SNRPC: variants seen among roughly 807,000 people sequenced by gnomAD.
The protein encoded by SNRPC is small nuclear ribonucleoprotein polypeptide C, also known as U1 small nuclear ribonucleoprotein C.
A neutral mutation model predicts 20.0 loss-of-function variants in SNRPC; 5 were observed. That is an observed-to-expected ratio of 0.25 (90% CI 0.13 to 0.53). The LOEUF (loss-of-function observed/expected upper bound fraction) is 0.53, where lower values mean the gene tolerates loss of function less well. SNRPC is among the 20% of genes least tolerant of loss of function. SNRPC has a pLI of 0.96. For missense variants in SNRPC, 112 were observed against 224.1 expected (o/e 0.50, Z 3.19); for synonymous variants, 61 against 58.7 (o/e 1.04, Z -0.18).
At chr6:34,759,042 A>G (rs915024934) in intron 2 of SNRPC, among the ~76,000 whole-genome samples, 12 of 133,036 alleles carry the variant, frequency 9.0e-5, no homozygotes, top group Admixed American at 2.3e-4. Context: ...AAAAAAAAAA[A>G]AAAGAAAAGA....
intron 3 of SNRPC, among the ~76,000 whole-genome samples, chr6:34,765,509 T>C (rs1486989717): frequency 6.6e-6 from 1 of 152,140 alleles, no homozygotes; most frequent in East Asian, 1.9e-4. Context: ...CGATCTCAGC[T>C]CACTGCAGCC....
At chr6:34,770,131 A>C (rs1206217610) in intron 4 of SNRPC, among the ~76,000 whole-genome samples, 160 bp from the exon 5 acceptor site, 1 of 152,220 alleles carries the variant, frequency 6.6e-6, no homozygotes, top group African/African-American at 2.4e-5. Flanking sequence ...CTGAGGCAGG[A>C]GAATTGCTTG....
At chr6:34,765,168 T>G (rs1021046685) in intron 3 of SNRPC, among the ~76,000 whole-genome samples, 2 of 152,234 alleles carry the variant, frequency 1.3e-5, no homozygotes, top group African/African-American at 4.8e-5. Context: ...GATAATCTTT[T>G]GCTGTGAGGG....
intron 3 of SNRPC, among the ~76,000 whole-genome samples, chr6:34,765,363 G>A (rs939735223): frequency 3.3e-5 from 5 of 152,126 alleles, no homozygotes; most frequent in African/African-American, 9.6e-5. Flanking sequence ...CTCCTTCCTG[G>A]ATTATTATGG....
intron 2 of SNRPC, among the ~76,000 whole-genome samples, chr6:34,761,428 G>T (rs1425745246): frequency 2.0e-5 from 3 of 151,786 alleles, no homozygotes; most frequent in African/African-American, 7.3e-5. Flanking sequence ...GTGAGCCACC[G>T]CGACTGGCTG....
chr6:34,766,527 G>T (rs564761807), intron 3 of SNRPC, among the ~76,000 whole-genome samples: 383 of 152,280 alleles, frequency 2.5e-3, no homozygotes, highest in African/African-American at 8.7e-3. Flanking sequence ...TTTGTTTTAA[G>T]GCTAGTCAGA....
intron 2 of SNRPC, among the ~76,000 whole-genome samples, chr6:34,761,700 G>A (rs1764539831): frequency 6.6e-6 from 1 of 150,932 alleles, no homozygotes; most frequent in Non-Finnish European, 1.5e-5. Context: ...TTTTAGCAGA[G>A]ACGAGGTTTC....
At chr6:34,770,090 C>T (rs1361342543) in intron 4 of SNRPC, among the ~76,000 whole-genome samples, 1 of 152,196 alleles carries the variant, frequency 6.6e-6, no homozygotes, top group African/African-American at 2.4e-5. Context: ...GGCGTGGTGG[C>T]ACATGCCTGT....
At chr6:34,763,359 C>G (rs192489150) in intron 3 of SNRPC, among the ~76,000 whole-genome samples, 25 of 152,244 alleles carry the variant, frequency 1.6e-4, no homozygotes, top group Admixed American at 3.9e-4. Flanking sequence ...AGCTGGCAAG[C>G]AAATATGGGC....
intron 2 of SNRPC, among the ~76,000 whole-genome samples, chr6:34,761,513 ATTTTTTTTTTT>A (rs869059984): frequency 1.2e-5 from 1 of 85,648 alleles, no homozygotes; most frequent in African/African-American, 5.2e-5. Flanking sequence ...ACAAGGAACA[ATTTTTTTTTTT>A]TTTTTTTTTT....
chr6:34,766,190 CT>C (rs1290496716), intron 3 of SNRPC, among the ~76,000 whole-genome samples: 1 of 151,902 alleles, frequency 6.6e-6, no homozygotes, highest in Non-Finnish European at 1.5e-5. Context: ...GATGAATAAA[CT>C]TTTTTTATTT....
chr6:34,757,680 G>T, intron 1 of SNRPC, 129 bp downstream of exon 1: 2 of 1,368,622 alleles, frequency 1.5e-6, no homozygotes, highest in South Asian at 1.2e-5. Context: ...GTGGACGGAG[G>T]CAGGGAGATG....
rs1474227695 is a variant in SNRPC, at chr6:34,757,549, C to A, written c.6C>A (p.Pro2=). 2 of 1,613,534 alleles carry A rather than the reference C, an allele frequency of 1.2e-6. No homozygotes were observed. Among genetic ancestry groups the A allele is most frequent in the Non-Finnish European group, 1.7e-6 (2 of 1,179,496 alleles). The change falls in exon 1 of 6, where the codon CCC becomes CCA. Residue 2 remains proline, a splice_region_variant and synonymous_variant. Transcript: ENST00000244520. ...CCAACGGCCTGCAGAGCAACATGCC[C>A]AAGTGAGTGGGGCCCCGAAATCTGA... M[P]KFYCDYCDTY...
chr6:34,767,760 A>G (rs1764631473), intron 3 of SNRPC, 148 bp from the exon 4 acceptor site: 1 of 760,180 alleles, frequency 1.3e-6, no homozygotes, highest in South Asian at 3.1e-5. Flanking sequence ...TTAAAACTGT[A>G]GAACCATGAT....
intron 2 of SNRPC, among the ~76,000 whole-genome samples, chr6:34,761,366 G>A (rs1162073024): frequency 6.6e-6 from 1 of 151,986 alleles, no homozygotes; most frequent in African/African-American, 2.4e-5. Context: ...TTGAACTCCT[G>A]ACATCAGGTG....
chr6:34,760,096 A>G (rs919094990), intron 2 of SNRPC, among the ~76,000 whole-genome samples: 6 of 149,258 alleles, frequency 4.0e-5, no homozygotes, highest in African/African-American at 7.4e-5. Context: ...ACATTATTAT[A>G]GTTCTGTATA....
At chr6:34,767,236 G>A (rs1412565185) in intron 3 of SNRPC, among the ~76,000 whole-genome samples, 6 of 152,190 alleles carry the variant, frequency 3.9e-5, no homozygotes, top group Non-Finnish European at 5.9e-5. Context: ...TTTTGGGCAC[G>A]TATTACACTT....
rs1764709986 is a variant in SNRPC at position 34,773,132 on chromosome 6, A to T, written c.356-314A>T. ...AGTTGTGAATTTCCCTGAGTGAGAA[A>T]AAAAGGTCAGTTTAGGGAACTAGTG... On this transcript the variant is annotated intron_variant, in intron 5 of 5. Coordinates refer to ENST00000244520, the MANE Select transcript of SNRPC (RefSeq NM_003093.3). This position sits in a 1 kb window ranked among gnomAD's most constrained non-coding sequence, Gnocchi z 4.1. The T allele has an allele frequency of 1.6e-5, 4 of 249,494 alleles. No individual in the cohort carries two copies. In the South Asian group the frequency reaches 1.9e-4, roughly 12 times the overall value. 15.5% of individuals were successfully genotyped at this position (249,494 alleles called of 1,614,324 possible).
chr6:34,773,391 C>T lies in SNRPC; in HGVS notation c.356-55C>T. 6.4e-7 allele frequency: 1 copy of T among 1,573,656 alleles called. No homozygotes were observed. Among genetic ancestry groups the T allele is most frequent in the East Asian group, 2.3e-5 (1 of 44,346 alleles). On this transcript the variant is annotated intron_variant, in intron 5 of 5. Transcript: ENST00000244520. The surrounding 1 kb of genome is among the most constrained non-coding windows in gnomAD (Gnocchi z 4.1). ...TAATTGAAGTCCCATCAAACTCTCCCTAAATCGTATTTTCTGACTCCCTTT... is the reference window on the plus strand; with the variant it reads ...TAATTGAAGTCCCATCAAACTCTCCTTAAATCGTATTTTCTGACTCCCTTT...
Sources: gnomAD v4.1 joint callset for allele counts (sites outside exome capture counted in the v4.1 genomes callset) on GRCh38, gnomAD v4.1.1 for gene constraint, Gnocchi (gnomAD v3.1) non-coding constraint, MANE v1.5 for transcripts, NCBI Gene and HGNC (gene_info 2026-07-23, HGNC 2026-07-21) for gene names.